NRG3: variants seen among roughly 807,000 people sequenced by gnomAD.
The protein encoded by NRG3 is neuregulin 3, also known as pro-neuregulin-3, membrane-bound isoform.
NRG3 carries 31 observed loss-of-function variants against 66.9 expected under a neutral mutation model. That is an observed-to-expected ratio of 0.46 (90% CI 0.35 to 0.63). NRG3 has a LOEUF of 0.63. Among genes scored for constraint, NRG3 ranks in the 20% least tolerant of loss-of-function variants. The probability of loss-of-function intolerance (pLI) is 0.00; values close to 1 mark genes in which losing one functional copy is unlikely to be tolerated. For synonymous variants in NRG3, 393 were observed against 359.4 expected, an observed-to-expected ratio of 1.09 and a Z score of -1.06; for missense variants, 910 against 878.9, an observed-to-expected ratio of 1.04 and a Z score of -0.45.
At chr10:82,739,547 T>C (rs2058319066) in intron 3 of NRG3, among the ~76,000 whole-genome samples, 1 of 152,260 alleles carries the variant, frequency 6.6e-6, no homozygotes, top group Non-Finnish European at 1.5e-5. Flanking sequence ...CTGTGCGTTT[T>C]GCTGCATAAT....
At chr10:82,601,297 T>G (rs1010376168) in intron 2 of NRG3, among the ~76,000 whole-genome samples, 1 of 152,210 alleles carries the variant, frequency 6.6e-6, no homozygotes, top group African/African-American at 2.4e-5. Context: ...TAGTTAACAT[T>G]GTGTCATCAG....
chr10:82,685,389 T>G (rs769992822), intron 2 of NRG3, among the ~76,000 whole-genome samples: 29 of 152,178 alleles, frequency 1.9e-4, no homozygotes, highest in Non-Finnish European at 2.9e-4. Context: ...TCAAACTCAG[T>G]CCTGCTCAGT....
At chr10:82,776,105 A>G (rs2059904092) in intron 3 of NRG3, among the ~76,000 whole-genome samples, 2 of 152,202 alleles carry the variant, frequency 1.3e-5, no homozygotes, top group Admixed American at 1.3e-4. Flanking sequence ...CATTTTTTGT[A>G]AGGCAGTTCT....
At chr10:82,469,975 T>C (rs974847695) in intron 2 of NRG3, among the ~76,000 whole-genome samples, 3 of 152,206 alleles carry the variant, frequency 2.0e-5, no homozygotes, top group Non-Finnish European at 4.4e-5. Context: ...CCATCTCACC[T>C]AGTCAATTGT....
chr10:82,207,609 C>T (rs911504717), intron 1 of NRG3, among the ~76,000 whole-genome samples: 1 of 152,050 alleles, frequency 6.6e-6, no homozygotes, highest in African/African-American at 2.4e-5. Context: ...GAAGAAATAC[C>T]CAAGCCTGGC....
intron 1 of NRG3, among the ~76,000 whole-genome samples, chr10:81,912,884 C>T (rs1845304157): frequency 6.6e-6 from 1 of 152,188 alleles, no homozygotes; most frequent in African/African-American, 2.4e-5. Context: ...CAAGGCCATG[C>T]TTGTTTAACT....
chr10:82,875,071 T>C (rs537187381), intron 4 of NRG3, among the ~76,000 whole-genome samples: 1 of 152,330 alleles, frequency 6.6e-6, no homozygotes, highest in East Asian at 1.9e-4. Context: ...TAGCTGGTCA[T>C]TGTATTCTCT....
chr10:82,703,997 T>C lies in NRG3; in HGVS notation c.954-34580T>C, dbSNP rs2056097814. ...GCCACTTAAACGAATGCCAAGACTT[T>C]GTGCTTACAAACCTTCTACCCACAA... On this transcript the variant is annotated intron_variant, in intron 2 of 8. Transcript: ENST00000372141. Among the ~76,000 whole-genome samples the C allele has an allele frequency of 2.6e-5, 4 of 152,276 alleles. No individual in the cohort carries two copies. The South Asian group carries it at 8.3e-4, about 32-fold the overall frequency.
At chr10:82,222,219 A>G (rs2075974886) in intron 1 of NRG3, among the ~76,000 whole-genome samples, 1 of 151,960 alleles carries the variant, frequency 6.6e-6, no homozygotes, top group Non-Finnish European at 1.5e-5. Flanking sequence ...TTTTTGCCCT[A>G]AACTTCAATA....
intron 3 of NRG3, among the ~76,000 whole-genome samples, chr10:82,774,821 CTTTTTTTTTTTT>C (rs992021420): frequency 1.0e-4 from 8 of 78,022 alleles, no homozygotes; most frequent in Non-Finnish European, 1.7e-4. Context: ...TTTCTTTTTT[CTTTTTTTTTTTT>C]TTTTTTTTTG....
Position 82,178,326 on chromosome 10 carries a change from A to C in NRG3, c.824-180413A>C, listed in dbSNP as rs75514709. Among the ~76,000 whole-genome samples, 1,118 of 152,284 alleles carry C rather than the reference A, an allele frequency of 7.3e-3. 9 individuals carry two copies. The highest frequency in any genetic ancestry group is 0.026 in the African/African-American group (1,061 of 41,582). ...ACGATGAGGTACAGCAGATCTCTAG[A>C]AGTTTTTCATTTTATGTGACTAATA... On this transcript the variant is annotated intron_variant, in intron 1 of 8. Coordinates refer to ENST00000372141, the MANE Select transcript of NRG3 (RefSeq NM_001010848.4).
rs139034461 is a variant in NRG3, at chr10:82,004,824, C to T, written c.823+128661C>T. On this transcript the variant is annotated intron_variant, in intron 1 of 8. Coordinates refer to ENST00000372141, the MANE Select transcript of NRG3 (RefSeq NM_001010848.4). ...TGGGAAGACGCTGGGAGATGATGGA[C>T]GTCTGTGAGCCAAGGAGTCTTCAGA... 1.5e-3 allele frequency among the ~76,000 whole-genome samples: 225 copies of T among 152,284 alleles called. 7 individuals carry two copies. In the East Asian group the frequency reaches 0.034, roughly 23 times the overall value.
intron 4 of NRG3, among the ~76,000 whole-genome samples, chr10:82,932,554 C>T (rs957899906): frequency 2.0e-5 from 3 of 152,068 alleles, no homozygotes; most frequent in Non-Finnish European, 4.4e-5. Context: ...GCATAAAGAA[C>T]ATGTTGGATC....
chr10:82,153,587 A>T (rs2070951692), intron 1 of NRG3, among the ~76,000 whole-genome samples: 1 of 151,974 alleles, frequency 6.6e-6, no homozygotes, highest in South Asian at 2.1e-4. Context: ...CCGTAGATGG[A>T]TTGCTGGATC....
At chr10:82,503,941 A>G (rs990544557) in intron 2 of NRG3, among the ~76,000 whole-genome samples, 2 of 152,206 alleles carry the variant, frequency 1.3e-5, no homozygotes, top group Non-Finnish European at 2.9e-5. Context: ...ACAGCTGTGT[A>G]TAAGGTAATC....
intron 4 of NRG3, among the ~76,000 whole-genome samples, chr10:82,922,127 TG>T (rs1271606615): frequency 2.0e-5 from 3 of 151,986 alleles, no homozygotes; most frequent in African/African-American, 7.2e-5. Context: ...ATATAGAGAC[TG>T]GGGGGAAGAG....
At chr10:82,005,454 G>T (rs1645657006) in intron 1 of NRG3, among the ~76,000 whole-genome samples, 1 of 152,132 alleles carries the variant, frequency 6.6e-6, no homozygotes. Flanking sequence ...GATAAAATTT[G>T]ACCCGTGCAT....
intron 2 of NRG3, among the ~76,000 whole-genome samples, chr10:82,489,201 G>A (rs928654069): frequency 7.9e-5 from 12 of 152,076 alleles, no homozygotes; most frequent in African/African-American, 1.2e-4. Context: ...TAGTTGATTC[G>A]GAAATGGGTG....
chr10:82,287,198 A>G (rs1474751565), intron 1 of NRG3, among the ~76,000 whole-genome samples: 1 of 151,930 alleles, frequency 6.6e-6, no homozygotes, highest in African/African-American at 2.4e-5. Context: ...CAGGTCCCTC[A>G]TGGCTTGGTT....
Sources: allele counts gnomAD v4.1 joint callset (sites outside exome capture counted in the v4.1 genomes callset), GRCh38; gene constraint gnomAD v4.1.1; transcripts MANE v1.5; gene names NCBI Gene and HGNC (gene_info 2026-07-23, HGNC 2026-07-21).